The following WNT5A variants were observed in gnomAD, a reference collection of about 807,000 sequenced individuals.
The protein encoded by WNT5A is protein Wnt-5a.
In WNT5A, 9 loss-of-function variants were observed where a neutral mutation model predicts 42.1. The ratio of observed to expected loss-of-function variants is 0.21; its 90% CI spans 0.13 to 0.37. The LOEUF (loss-of-function observed/expected upper bound fraction) is 0.37, where lower values mean the gene tolerates loss of function less well. Ranked by LOEUF, WNT5A falls within the 10% of genes least tolerant of loss-of-function variation. The probability of loss-of-function intolerance (pLI) is 1.00; values close to 1 mark genes in which losing one functional copy is unlikely to be tolerated. For missense variants in WNT5A, 426 were observed against 534.0 expected, an observed-to-expected ratio of 0.80 and a Z score of 1.99; for synonymous variants, 210 against 210.0, an observed-to-expected ratio of 1.00 and a Z score of 0.00.
chr3:55,493,740 C>T (rs1227788567), upstream of WNT5A: 1 of 152,236 alleles, frequency 6.6e-6, no homozygotes, highest in Non-Finnish European at 1.5e-5. Flanking sequence ...TTAATCACCA[C>T]ACTTTACCTA....
intron 4 of WNT5A, among the ~76,000 whole-genome samples, chr3:55,473,390 A>G (rs943635655): frequency 2.0e-5 from 3 of 152,222 alleles, no homozygotes; most frequent in Non-Finnish European, 4.4e-5. Context: ...CTGGTTTTCA[A>G]TGCTGCCAAA....
chr3:55,484,468 G>A (rs918970952), intron 1 of WNT5A, among the ~76,000 whole-genome samples: 2 of 152,278 alleles, frequency 1.3e-5, no homozygotes, highest in African/African-American at 4.8e-5. Context: ...CGCGCGGAGC[G>A]GGGTAGGGGA....
chr3:55,479,577 G>A lies in WNT5A; in HGVS notation c.141-13C>T, dbSNP rs778106821. The A allele has an allele frequency of 1.9e-6, 3 of 1,564,680 alleles. No individual in the cohort carries two copies. Among genetic ancestry groups the A allele is most frequent in the South Asian group, 2.4e-5 (2 of 83,020 alleles). On this transcript the variant is annotated splice_polypyrimidine_tract_variant and intron_variant, in intron 2 of 4. Transcript: ENST00000264634. ...CATACCTAGCGACCTGCAAGGGGGG[G>A]AGATGTGCATTCAAGATTTACGTGA...
chr3:55,491,174 C>T (rs2051654871), upstream of WNT5A, among the ~76,000 whole-genome samples: 1 of 152,098 alleles, frequency 6.6e-6, no homozygotes, highest in Non-Finnish European at 1.5e-5. Context: ...TTTGACCCTT[C>T]AATAGTGGGT....
chr3:55,503,879 T>G, the WNT5A span, among the ~76,000 whole-genome samples: 1 of 152,114 alleles, frequency 6.6e-6, no homozygotes, highest in South Asian at 2.1e-4. Context: ...AGCCCAGGCG[T>G]TGGAGGCTGC....
chr3:55,494,626 C>T (rs1360868974), upstream of WNT5A, among the ~76,000 whole-genome samples: 2 of 152,112 alleles, frequency 1.3e-5, no homozygotes, highest in African/African-American at 4.8e-5. Flanking sequence ...ACAACCTCTG[C>T]CCCCCAGGTT....
At chr3:55,493,676 C>T (rs1182114093), upstream of WNT5A, among the ~76,000 whole-genome samples, 1 of 152,182 alleles carries the variant, frequency 6.6e-6, no homozygotes, top group Non-Finnish European at 1.5e-5. Flanking sequence ...TGTGGCCATG[C>T]CACTGCTGAG....
chr3:55,482,662 A>G (rs1307635484), intron 1 of WNT5A, among the ~76,000 whole-genome samples: 1 of 152,158 alleles, frequency 6.6e-6, no homozygotes, highest in African/African-American at 2.4e-5. Flanking sequence ...CTCCACACCC[A>G]AGGCCCAGTT....
chr3:55,496,586 A>G, the WNT5A span, among the ~76,000 whole-genome samples: 1 of 152,074 alleles, frequency 6.6e-6, no homozygotes, highest in Non-Finnish European at 1.5e-5. Context: ...TTTGTGGACA[A>G]CCCTCTTCTG....
At chr3:55,475,734 A>C (rs1559554710) in intron 3 of WNT5A, among the ~76,000 whole-genome samples, 1 of 152,202 alleles carries the variant, frequency 6.6e-6, no homozygotes, top group Non-Finnish European at 1.5e-5. Flanking sequence ...CTTCTTCCCA[A>C]AACTAGTAAA....
the WNT5A span, among the ~76,000 whole-genome samples, chr3:55,502,899 T>C: frequency 5.6e-4 from 85 of 152,390 alleles, no homozygotes; most frequent in Non-Finnish European, 9.8e-4. Flanking sequence ...ATGGTGCTTA[T>C]GCCATACTGG....
the WNT5A span, among the ~76,000 whole-genome samples, chr3:55,503,493 A>G: frequency 1.3e-5 from 2 of 152,230 alleles, no homozygotes; most frequent in African/African-American, 4.8e-5. Context: ...TCAGGATTTT[A>G]AGAGACTATA....
At position 55,480,911 on chromosome 3, in the gene WNT5A, A is replaced by C. The variant is rs200914260; in HGVS notation, c.14T>G (p.Ile5Ser). MKKS[I>S]GILSPGVALG... ...AGCAACTCCTGGGCTTAATATTCCA[A>C]TGGACTTCTGGAGAGGGAAGAAAGG... The change falls in exon 2 of 5, where the codon ATT becomes AGT. Residue 5 changes from isoleucine (I) to serine (S), a missense_variant. Around this residue, in one of 3 missense-constraint regions of WNT5A, gnomAD observed 62 missense variants for 49.0 expected, o/e 1.26. Transcript: ENST00000264634. 6.4e-7 allele frequency: 1 copy of C among 1,554,784 alleles called. No individual in the cohort carries two copies. Among genetic ancestry groups the C allele is most frequent in the South Asian group, 1.3e-5 (1 of 79,156 alleles).
At chr3:55,486,356 G>T (rs1436623289) in intron 1 of WNT5A, among the ~76,000 whole-genome samples, 2 of 152,168 alleles carry the variant, frequency 1.3e-5, no homozygotes, top group African/African-American at 4.8e-5. Context: ...CCGCGCCGGG[G>T]TGCGCGCTGG....
intron 1 of WNT5A, among the ~76,000 whole-genome samples, chr3:55,485,203 TGCCC>T (rs1553680361): frequency 2.7e-5 from 4 of 150,646 alleles, no homozygotes; most frequent in Admixed American, 6.6e-5. Flanking sequence ...GGGGAGCAGC[TGCCC>T]GCCCGCCCGC....
At chr3:55,475,223 C>G (rs1003873927) in intron 3 of WNT5A, among the ~76,000 whole-genome samples, 6 of 152,208 alleles carry the variant, frequency 3.9e-5, no homozygotes, top group Admixed American at 3.9e-4. Flanking sequence ...TGAAGGAACA[C>G]TCAGAATATG....
chr3:55,487,055 CG>C lies in WNT5A; in HGVS notation c.-71del. The C allele has an allele frequency of 6.6e-7, 1 of 1,520,748 alleles. No individual in the cohort carries two copies. Among genetic ancestry groups the C allele is most frequent in the Non-Finnish European group, 9.0e-7 (1 of 1,107,892 alleles). The allele number at this position is 1,520,748 out of a possible 1,614,324, so 94.2% of individuals were successfully genotyped here. Reference sequence around the variant, plus strand: ...GCGCAGCCGAGGAATCCGAGCGGAGCGACCGGGTTAAGCCTGGGGGGACGGT... The same window carrying C: ...GCGCAGCCGAGGAATCCGAGCGGAGCACCGGGTTAAGCCTGGGGGGACGGT... On this transcript the variant is annotated 5_prime_UTR_variant, in exon 1 of 5. Coordinates refer to ENST00000264634, the MANE Select transcript of WNT5A (RefSeq NM_003392.7).
At chr3:55,481,057 G>T in intron 1 of WNT5A, 139 bp from the exon 2 acceptor site, 2 of 968,214 alleles carry the variant, frequency 2.1e-6, no homozygotes, top group Middle Eastern at 2.7e-4. Context: ...GTTTTTTGAT[G>T]GCAAGATATA....
intron 1 of WNT5A, among the ~76,000 whole-genome samples, chr3:55,482,957 A>G (rs1449835009): frequency 6.6e-6 from 1 of 152,204 alleles, no homozygotes; most frequent in Non-Finnish European, 1.5e-5. Flanking sequence ...ACGCTGCGAC[A>G]TGTTTCCGAG....
Sources: allele counts gnomAD v4.1 joint callset (sites outside exome capture counted in the v4.1 genomes callset), GRCh38; gene constraint gnomAD v4.1.1; regional missense constraint gnomAD v4.1.1; transcripts MANE v1.5; gene names NCBI Gene and HGNC (gene_info 2026-07-23, HGNC 2026-07-21).